The following ZNF532 variants were observed in gnomAD, a reference collection of about 807,000 sequenced individuals.
The protein encoded by ZNF532 is zinc finger protein 532.
Under a neutral mutation model 89.3 loss-of-function variants are expected in ZNF532, and 22 were observed. That is an observed-to-expected ratio of 0.25 (90% CI 0.18 to 0.35). ZNF532 has a LOEUF of 0.35. Among genes scored for constraint, ZNF532 ranks in the 10% least tolerant of loss-of-function variants. ZNF532 has a pLI of 1.00. For synonymous variants in ZNF532, 606 were observed against 649.6 expected (o/e 0.93, Z 1.02); for missense variants, 1,132 against 1,643.4 (o/e 0.69, Z 5.38).
At chr18:58,965,052 GTTTA>G (rs200380734) in intron 7 of ZNF532, among the ~76,000 whole-genome samples, 11,444 of 149,382 alleles carry the variant, frequency 0.077, 926 homozygotes, top group African/African-American at 0.21. Flanking sequence ...TATTTTATTA[GTTTA>G]TTTGATATTT....
intron 7 of ZNF532, among the ~76,000 whole-genome samples, chr18:58,962,180 T>G (rs913956060): frequency 6.6e-6 from 1 of 151,768 alleles, no homozygotes; most frequent in African/African-American, 2.4e-5. Flanking sequence ...GAGCCGAGAT[T>G]ACGCCACTGC....
chr18:58,967,544 C>T (rs140508905), intron 7 of ZNF532, among the ~76,000 whole-genome samples: 97 of 152,338 alleles, frequency 6.4e-4, no homozygotes, highest in Admixed American at 1.5e-3. Flanking sequence ...ACCCTGCCCC[C>T]CCGTGCACCC....
At chr18:58,942,912 C>G (rs1391390661) in intron 5 of ZNF532, among the ~76,000 whole-genome samples, 2 of 152,152 alleles carry the variant, frequency 1.3e-5, no homozygotes, top group Non-Finnish European at 2.9e-5. Context: ...TAACCTCTCA[C>G]CCGTTTTTCT....
intron 7 of ZNF532, among the ~76,000 whole-genome samples, chr18:58,976,520 TGCTTTTA>T (rs2067071712): frequency 6.6e-6 from 1 of 151,538 alleles, no homozygotes; most frequent in Admixed American, 6.6e-5. Context: ...GAAGCAGTCT[TGCTTTTA>T]GAAAGATGAC....
chr18:58,973,527 A>G (rs920777463), intron 7 of ZNF532, among the ~76,000 whole-genome samples: 2 of 152,240 alleles, frequency 1.3e-5, no homozygotes, highest in African/African-American at 4.8e-5. Context: ...ATGTTAAAAG[A>G]TGGCGGAACG....
chr18:58,918,733 C>G lies in ZNF532; in HGVS notation c.446C>G (p.Pro149Arg). The change falls in exon 3 of 10, where the codon CCC (proline) becomes CGC (arginine). Residue 149 changes from proline (P) to arginine (R), a missense_variant. Physicochemically the swap from Pro to Arg is moderately radical, Grantham distance 103. Coordinates refer to ENST00000591808, the MANE Select transcript of ZNF532 (RefSeq NM_001375912.1). The part of the protein sequence containing the change: ...DDDEKIEVDD[P>R]PDKEDMRSSF... The stretch of plus-strand genomic sequence containing the variant: ...GACGAGAAGATTGAGGTGGATGACC[C>G]CCCTGACAAGGAGGACATGCGATCA... 5.0e-6 allele frequency: 8 copies of G among 1,614,088 alleles called. No individual in the cohort carries two copies. The highest frequency in any genetic ancestry group is 6.8e-6 in the Non-Finnish European group (8 of 1,180,022).
chr18:58,869,424 T>G, intron 2 of ZNF532, among the ~76,000 whole-genome samples: 1 of 152,190 alleles, frequency 6.6e-6, no homozygotes, highest in Non-Finnish European at 1.5e-5. Flanking sequence ...TGGTAAAATA[T>G]CCTTTATTTC....
At chr18:58,927,548 C>T (rs2061625998) in intron 3 of ZNF532, among the ~76,000 whole-genome samples, 2 of 152,056 alleles carry the variant, frequency 1.3e-5, no homozygotes, top group South Asian at 4.2e-4. Context: ...AACTGACTAC[C>T]CTGTCATTCC....
At chr18:58,927,519 G>A (rs1319335541) in intron 3 of ZNF532, among the ~76,000 whole-genome samples, 1 of 151,818 alleles carries the variant, frequency 6.6e-6, no homozygotes, top group Non-Finnish European at 1.5e-5. Context: ...GGATATATGA[G>A]GCGAAGAGAA....
At chr18:58,873,846 C>A (rs2057201277) in intron 2 of ZNF532, among the ~76,000 whole-genome samples, 1 of 152,154 alleles carries the variant, frequency 6.6e-6, no homozygotes, top group African/African-American at 2.4e-5. Context: ...CTTGCCTTTG[C>A]CCAGCTCTCA....
chr18:58,889,700 G>C (rs1236710008), intron 2 of ZNF532, among the ~76,000 whole-genome samples: 2 of 152,040 alleles, frequency 1.3e-5, no homozygotes, highest in Non-Finnish European at 2.9e-5. Context: ...TTGAACCCAG[G>C]GGGTGGAGGT....
intron 2 of ZNF532, among the ~76,000 whole-genome samples, chr18:58,906,281 C>T (rs1382976709): frequency 6.6e-6 from 1 of 152,110 alleles, no homozygotes; most frequent in East Asian, 1.9e-4. Context: ...TTTAGTTATT[C>T]CATCATTTAT....
chr18:58,973,389 A>C (rs2066681261), intron 7 of ZNF532, among the ~76,000 whole-genome samples: 1 of 152,256 alleles, frequency 6.6e-6, no homozygotes, highest in Admixed American at 6.5e-5. Flanking sequence ...GGCGTGAGCC[A>C]CTGTGCCTGG....
At chr18:58,863,081 AACC>A (rs2056101162), upstream of ZNF532, 2 of 152,216 alleles carry the variant, frequency 1.3e-5, no homozygotes, top group African/African-American at 4.8e-5. Context: ...GAGGAAAACA[AACC>A]ACCACCTTGG....
intron 4 of ZNF532, among the ~76,000 whole-genome samples, chr18:58,936,611 G>A (rs576210632): frequency 1.3e-5 from 2 of 152,292 alleles, no homozygotes; most frequent in African/African-American, 4.8e-5. Flanking sequence ...ATTTCAAATT[G>A]TAGATTTCAA....
intron 7 of ZNF532, among the ~76,000 whole-genome samples, chr18:58,974,267 CAT>C (rs2066799062): frequency 6.6e-6 from 1 of 152,130 alleles, no homozygotes; most frequent in African/African-American, 2.4e-5. Context: ...AGCATATATG[CAT>C]ATATTCTCAT....
intron 7 of ZNF532, among the ~76,000 whole-genome samples, chr18:58,978,800 C>G (rs73441903): frequency 0.041 from 6,221 of 152,190 alleles, 356 homozygotes; most frequent in African/African-American, 0.13. Flanking sequence ...ATTCTTGTTT[C>G]ATACATACCT....
chr18:58,879,750 G>A (rs1358892696), intron 2 of ZNF532, among the ~76,000 whole-genome samples: 1 of 152,090 alleles, frequency 6.6e-6, no homozygotes, highest in Non-Finnish European at 1.5e-5. Context: ...CAACACTGTT[G>A]GCCAACGATT....
rs965665378 is a variant in ZNF532, at chr18:58,954,701, G to T, written c.3150+902G>T. Among the ~76,000 whole-genome samples, 15 of 145,714 alleles carry T rather than the reference G, an allele frequency of 1.0e-4. No individual in the cohort carries two copies. In the Admixed American group the frequency reaches 1.0e-3, roughly 10 times the overall value. On this transcript the variant is annotated intron_variant, in intron 7 of 9. Transcript: ENST00000591808. ...CTTGTTGACACTAGGAACCAACATG[G>T]AATTTGCTACTTTTTTTTTTTTTTT...
Sources: gnomAD v4.1 joint callset for allele counts (sites outside exome capture counted in the v4.1 genomes callset) on GRCh38, gnomAD v4.1.1 for gene constraint, MANE v1.5 for transcripts, NCBI Gene and HGNC (gene_info 2026-07-23, HGNC 2026-07-21) for gene names.